Variants in LARP1B observed in about 807,000 individuals in gnomAD.
LARP1B encodes La ribonucleoprotein 1B.
A neutral mutation model predicts 114.2 loss-of-function variants in LARP1B; 76 were observed. That is an observed-to-expected ratio of 0.67 (90% CI 0.55 to 0.81). The LOEUF (loss-of-function observed/expected upper bound fraction) is 0.81. Among genes scored for constraint, LARP1B ranks in the 30% least tolerant of loss-of-function variants. The probability of loss-of-function intolerance (pLI) is 0.00; values close to 1 mark genes in which losing one functional copy is unlikely to be tolerated. For synonymous variants in LARP1B, 345 were observed against 348.0 expected (o/e 0.99, Z 0.10); for missense variants, 1,014 against 1,075.8 (o/e 0.94, Z 0.80).
intron 12 of LARP1B, among the ~76,000 whole-genome samples, chr4:128,163,601 G>A (rs1411417663): frequency 6.6e-6 from 1 of 152,124 alleles, no homozygotes; most frequent in African/African-American, 2.4e-5. Flanking sequence ...AGTTCTTACA[G>A]GAAAGTGAGT....
At chr4:128,114,266 C>T (rs904696594) in intron 9 of LARP1B, among the ~76,000 whole-genome samples, 37 of 152,176 alleles carry the variant, frequency 2.4e-4, no homozygotes, top group Non-Finnish European at 3.4e-4. Context: ...TTTCAGAGAA[C>T]TTGACTTCCT....
chr4:128,094,838 G>A (rs1293131537), intron 7 of LARP1B, among the ~76,000 whole-genome samples: 7 of 151,638 alleles, frequency 4.6e-5, no homozygotes, highest in East Asian at 1.9e-4. Context: ...TGCAACCTCC[G>A]CCTCCCGAGT....
intron 11 of LARP1B, among the ~76,000 whole-genome samples, chr4:128,156,677 C>G (rs1230533686): frequency 3.9e-5 from 6 of 151,972 alleles, no homozygotes; most frequent in Non-Finnish European, 8.8e-5. Flanking sequence ...TCTGCCGCCC[C>G]CTCCTGAACC....
Position 128,211,479 on chromosome 4 carries a change from T to G in LARP1B, c.*1426T>G, listed in dbSNP as rs1218595198. 1.1e-6 allele frequency: 1 copy of G among 909,634 alleles called. No homozygotes were observed. The highest frequency in any genetic ancestry group is 1.2e-4 in the East Asian group (1 of 8,498). 56.3% of individuals were successfully genotyped at this position (909,634 alleles called of 1,614,324 possible). A position where few individuals can be genotyped will look rare whatever the true frequency, so the allele number is the denominator to read the frequency against. On this transcript the variant is annotated 3_prime_UTR_variant, in exon 20 of 20. Coordinates refer to ENST00000326639, the MANE Select transcript of LARP1B (RefSeq NM_018078.4). Reference sequence around the variant, plus strand: ...TCATGATAAGTAATAATCAGCAGTTTTATAATATTTACTATTTGGAGGGTC... The same window carrying G: ...TCATGATAAGTAATAATCAGCAGTTGTATAATATTTACTATTTGGAGGGTC...
intron 8 of LARP1B, among the ~76,000 whole-genome samples, chr4:128,099,511 G>T (rs2126112): frequency 0.58 from 87,889 of 151,680 alleles, 26,355 homozygotes; most frequent in Middle Eastern, 0.8. Context: ...GTAGCCTTTT[G>T]TTTCTGATTT....
At chr4:128,071,117 G>C (rs776531759) in intron 1 of LARP1B, among the ~76,000 whole-genome samples, 1 of 151,854 alleles carries the variant, frequency 6.6e-6, no homozygotes, top group African/African-American at 2.4e-5. Flanking sequence ...CGTGATCTTG[G>C]CTCACTGCAA....
intron 5 of LARP1B, among the ~76,000 whole-genome samples, chr4:128,084,876 G>C (rs1222422926): frequency 6.6e-6 from 1 of 151,546 alleles, no homozygotes; most frequent in Admixed American, 6.6e-5. Context: ...TTTGTTTTTT[G>C]TTTGAGATGG....
At chr4:128,069,586 C>G in intron 1 of LARP1B, 1 of 715,938 alleles carries the variant, frequency 1.4e-6, no homozygotes, top group East Asian at 2.5e-5. Flanking sequence ...TTCTCCATAG[C>G]TCCTGGATTT....
chr4:128,091,203 A>G (rs1775797930), intron 6 of LARP1B, 59 bp downstream of exon 6: 10 of 1,578,236 alleles, frequency 6.3e-6, no homozygotes, highest in South Asian at 5.8e-5. Context: ...TAGAGCAACT[A>G]TCCTCTATTA....
intron 11 of LARP1B, chr4:128,156,242 G>T: frequency 7.4e-7 from 1 of 1,350,634 alleles, no homozygotes; most frequent in Non-Finnish European, 1.0e-6. Context: ...GCCACCCTAA[G>T]CAACGTCTGC....
chr4:128,074,192 G>A (rs1054215939), intron 1 of LARP1B, among the ~76,000 whole-genome samples: 49 of 152,010 alleles, frequency 3.2e-4, no homozygotes, highest in African/African-American at 1.1e-3. Flanking sequence ...CACCCACCTC[G>A]GCCTCCCAAA....
intron 1 of LARP1B, among the ~76,000 whole-genome samples, chr4:128,071,731 C>T (rs1024907644): frequency 1.4e-5 from 2 of 146,656 alleles, no homozygotes; most frequent in African/African-American, 2.5e-5. Context: ...CATTCTTTCA[C>T]ATTTTAAAAA....
At chr4:128,151,928 A>G (rs1561421948) in intron 11 of LARP1B, among the ~76,000 whole-genome samples, 1 of 152,044 alleles carries the variant, frequency 6.6e-6, no homozygotes, top group South Asian at 2.1e-4. Flanking sequence ...TGACAAGAAC[A>G]TTACATAGGC....
At chr4:128,090,009 G>A (rs904643236) in intron 5 of LARP1B, among the ~76,000 whole-genome samples, 2 of 151,048 alleles carry the variant, frequency 1.3e-5, no homozygotes, top group South Asian at 4.2e-4. Flanking sequence ...CTGAGTTCAA[G>A]CAATTTGCCT....
intron 9 of LARP1B, among the ~76,000 whole-genome samples, chr4:128,113,079 A>G (rs1451442398): frequency 5.9e-5 from 9 of 152,016 alleles, no homozygotes; most frequent in Non-Finnish European, 1.2e-4. Context: ...ACTTCTCAAT[A>G]TTTTCAGTGA....
intron 10 of LARP1B, among the ~76,000 whole-genome samples, chr4:128,120,019 A>G (rs975009323): frequency 6.6e-6 from 1 of 152,222 alleles, no homozygotes; most frequent in African/African-American, 2.4e-5. Flanking sequence ...TATTGTTTAA[A>G]ATATATCATC....
At chr4:128,127,689 C>T (rs1431675816) in intron 11 of LARP1B, among the ~76,000 whole-genome samples, 3 of 152,052 alleles carry the variant, frequency 2.0e-5, no homozygotes, top group South Asian at 2.1e-4. Context: ...CAAAATTAGC[C>T]GGGCATGGTG....
At chr4:128,094,825 C>T (rs1039447393) in intron 7 of LARP1B, among the ~76,000 whole-genome samples, 1 of 151,918 alleles carries the variant, frequency 6.6e-6, no homozygotes, top group Non-Finnish European at 1.5e-5. Context: ...AATCTTGGCT[C>T]ACTGCAACCT....
chr4:128,071,635 T>C (rs1223488708), intron 1 of LARP1B, among the ~76,000 whole-genome samples: 1 of 151,498 alleles, frequency 6.6e-6, no homozygotes, highest in African/African-American at 2.4e-5. Flanking sequence ...TTGGCCAGGC[T>C]GGTCTTGAAC....
Sources: allele counts gnomAD v4.1 joint callset (sites outside exome capture counted in the v4.1 genomes callset), GRCh38; gene constraint gnomAD v4.1.1; transcripts MANE v1.5; gene names NCBI Gene and HGNC (gene_info 2026-07-23, HGNC 2026-07-21).